DAB2IP: variants seen among roughly 807,000 people sequenced by gnomAD.
DAB2IP encodes the protein DAB2 interacting protein.
A neutral mutation model predicts 107.2 loss-of-function variants in DAB2IP; 28 were observed. The observed-to-expected ratio is 0.26, with a 90% CI of 0.19 to 0.36. The LOEUF (loss-of-function observed/expected upper bound fraction) is 0.36. Ranked by LOEUF, DAB2IP falls within the 10% of genes least tolerant of loss-of-function variation. The pLI is 1.00. For missense variants in DAB2IP, 1,400 were observed against 1,644.7 expected, an observed-to-expected ratio of 0.85 and a Z score of 2.57; for synonymous variants, 755 against 706.4, an observed-to-expected ratio of 1.07 and a Z score of -1.09.
chr9:121,624,511 G>A (rs1292654685), intron 1 of DAB2IP, among the ~76,000 whole-genome samples: 1 of 152,194 alleles, frequency 6.6e-6, no homozygotes, highest in Non-Finnish European at 1.5e-5. Flanking sequence ...TGATATTTCG[G>A]TCAAGGACAG....
chr9:121,747,525 T>C (rs1832802552), intron 3 of DAB2IP, among the ~76,000 whole-genome samples: 1 of 152,044 alleles, frequency 6.6e-6, no homozygotes, highest in Non-Finnish European at 1.5e-5. Flanking sequence ...TTTTTTGTAT[T>C]TTTGGTAGAG....
chr9:121,643,138 T>C (rs1300255792), intron 1 of DAB2IP, among the ~76,000 whole-genome samples: 1 of 152,098 alleles, frequency 6.6e-6, no homozygotes, highest in Non-Finnish European at 1.5e-5. Context: ...ATAGATTCCT[T>C]GGCCCTACCC....
In DAB2IP at chr9:121,635,900, CT is replaced by C. The variant is rs1309570867; in HGVS notation, c.41-42772del. Among the ~76,000 whole-genome samples the C allele has an allele frequency of 3.3e-5, 4 of 121,742 alleles. No homozygotes were observed. The highest frequency in any genetic ancestry group is 5.0e-5 in the Non-Finnish European group (3 of 59,988). 79.9% of individuals were successfully genotyped at this position (121,742 alleles called of 152,430 possible). ...AAGGGACAGTCCCCTGTTTAGATGT[CT>C]TTTTTGGGGGGGGGTCTGGGGGATG... On this transcript the variant is annotated intron_variant, in intron 1 of 16. Transcript: ENST00000259371. The surrounding 1 kb of genome is among the most constrained non-coding windows in gnomAD (Gnocchi z 4.3).
At position 121,580,518 on chromosome 9, in the gene DAB2IP, G is replaced by A. The variant is rs1345501465; in HGVS notation, c.40+13290G>A. On this transcript the variant is annotated intron_variant, in intron 1 of 16. Transcript: ENST00000259371. Reference sequence around the variant, plus strand: ...GGGAGAGCCCATCTCTAAAAACAAAGCCAAACAAAATACGGAGGTTGGCCT... The same window carrying A: ...GGGAGAGCCCATCTCTAAAAACAAAACCAAACAAAATACGGAGGTTGGCCT... Among the ~76,000 whole-genome samples, 3 of 152,132 alleles carry A rather than the reference G, an allele frequency of 2.0e-5. No homozygotes were observed. In the East Asian group the frequency reaches 5.8e-4, roughly 29 times the overall value.
intron 3 of DAB2IP, among the ~76,000 whole-genome samples, chr9:121,708,070 A>T (rs1265956116): frequency 6.6e-6 from 1 of 152,106 alleles, no homozygotes; most frequent in African/African-American, 2.4e-5. Flanking sequence ...TCTGAATTAT[A>T]CCCTCTGGGT....
chr9:121,691,293 C>T (rs1829147583), intron 2 of DAB2IP, among the ~76,000 whole-genome samples: 1 of 152,100 alleles, frequency 6.6e-6, no homozygotes, highest in Admixed American at 6.5e-5. Context: ...TGTGGTAAGT[C>T]TACAGGGAGA....
At chr9:121,588,126 G>T (rs1830345985) in intron 1 of DAB2IP, among the ~76,000 whole-genome samples, 1 of 152,146 alleles carries the variant, frequency 6.6e-6, no homozygotes, top group Non-Finnish European at 1.5e-5. Context: ...TTAGGTAATT[G>T]TTTTACTATC....
Position 121,622,554 on chromosome 9 carries a change from C to T in DAB2IP, c.40+55326C>T, listed in dbSNP as rs138652218. 6.0e-4 allele frequency among the ~76,000 whole-genome samples: 92 copies of T among 152,270 alleles called. No individual in the cohort carries two copies. The East Asian group carries it at 0.016, about 26-fold the overall frequency. On this transcript the variant is annotated intron_variant, in intron 1 of 16. Coordinates refer to the DAB2IP transcript ENST00000259371. ...TGTCAGATACGCTGGGCTCCATGGC[C>T]GGGAGCCCTCCACTGCCCTCGTGTC...
At chr9:121,580,828 T>C (rs1035426140) in intron 1 of DAB2IP, among the ~76,000 whole-genome samples, 5 of 152,140 alleles carry the variant, frequency 3.3e-5, no homozygotes, top group Admixed American at 2.0e-4. Context: ...GGTTTCACCG[T>C]GTTAGCCAGG....
chr9:121,681,567 C>A (rs1462550248), intron 2 of DAB2IP, among the ~76,000 whole-genome samples: 1 of 152,154 alleles, frequency 6.6e-6, no homozygotes, highest in Non-Finnish European at 1.5e-5. Context: ...CATGGCAACC[C>A]TCTAGGGGAG....
intron 1 of DAB2IP, among the ~76,000 whole-genome samples, chr9:121,594,729 G>A (rs1830492813): frequency 6.6e-6 from 1 of 152,192 alleles, no homozygotes; most frequent in South Asian, 2.1e-4. Flanking sequence ...GGGCTGCAAG[G>A]TTTGCGACCT....
chr9:121,766,652 A>G (rs372284148), exon 9 of DAB2IP: 26 of 1,614,154 alleles, frequency 1.6e-5, no homozygotes, highest in African/African-American at 4.0e-5. Flanking sequence ...AACCTGCTGC[A>G]GGAGTACCCT....
intron 3 of DAB2IP, among the ~76,000 whole-genome samples, chr9:121,730,392 GC>G (rs1831458185): frequency 6.6e-6 from 1 of 152,218 alleles, no homozygotes; most frequent in Non-Finnish European, 1.5e-5. Context: ...CTGTTGCTGG[GC>G]CCTGCACTGC....
At chr9:121,642,021 CTCTCTCTCTCTTTCTTTCTT>C (rs1192816589) in intron 1 of DAB2IP, among the ~76,000 whole-genome samples, 1 of 12,470 alleles carries the variant, frequency 8.0e-5, no homozygotes, top group Non-Finnish European at 1.5e-4. Context: ...CTCTCTCTCT[CTCTCTCTCTCTTTCTTTCTT>C]TCTTTCTTTC....
intron 1 of DAB2IP, among the ~76,000 whole-genome samples, chr9:121,579,974 T>C (rs1438122686): frequency 2.0e-5 from 3 of 152,204 alleles, no homozygotes; most frequent in Non-Finnish European, 4.4e-5. Flanking sequence ...TAATCCTTCA[T>C]CTGCCTCAGG....
At chr9:121,773,784 C>T (rs899713552) in intron 12 of DAB2IP, among the ~76,000 whole-genome samples, 5 of 152,212 alleles carry the variant, frequency 3.3e-5, no homozygotes, top group Non-Finnish European at 5.9e-5. Context: ...ATCTTCGGTT[C>T]CAAGCCTGTC....
exon 2 of DAB2IP, chr9:121,678,744 G>C (rs1157404608): frequency 6.3e-7 from 1 of 1,599,652 alleles, no homozygotes; most frequent in Non-Finnish European, 8.5e-7. Context: ...AAGAGCCCCA[G>C]CATGGAGCCC....
intron 1 of DAB2IP, among the ~76,000 whole-genome samples, chr9:121,620,166 C>T (rs1447510301): frequency 2.0e-5 from 3 of 152,340 alleles, no homozygotes; most frequent in East Asian, 1.9e-4. Flanking sequence ...CGGATCCAGC[C>T]GCTCAAATGG....
chr9:121,596,971 T>C (rs1830544659), intron 1 of DAB2IP, among the ~76,000 whole-genome samples: 1 of 152,216 alleles, frequency 6.6e-6, no homozygotes, highest in African/African-American at 2.4e-5. Flanking sequence ...ATTTCTCTGA[T>C]TACTAGTGAG....
Sources: allele counts gnomAD v4.1 joint callset (sites outside exome capture counted in the v4.1 genomes callset), GRCh38; gene constraint gnomAD v4.1.1; non-coding constraint Gnocchi (gnomAD v3.1); transcripts MANE v1.5; gene names NCBI Gene and HGNC (gene_info 2026-07-23, HGNC 2026-07-21).